Variants in PLB1 observed in about 807,000 individuals in gnomAD.
PLB1 encodes the protein phospholipase B1, membrane-associated.
A neutral mutation model predicts 227.4 loss-of-function variants in PLB1; 242 were observed. That is an observed-to-expected ratio of 1.06 (90% CI 0.96 to 1.18). The LOEUF is 1.18. PLB1 is among the 50% of genes most tolerant of loss of function. The pLI, the probability that PLB1 is intolerant of heterozygous loss-of-function variation, is 0.00. For missense variants in PLB1, 1,858 were observed against 1,816.3 expected, an observed-to-expected ratio of 1.02 and a Z score of -0.42; for synonymous variants, 757 against 682.2, an observed-to-expected ratio of 1.11 and a Z score of -1.71.
intron 16 of PLB1, among the ~76,000 whole-genome samples, chr2:28,551,275 T>G (rs1452877775): frequency 6.6e-6 from 1 of 152,246 alleles, no homozygotes; most frequent in African/African-American, 2.4e-5. Flanking sequence ...CGGGCGCTCA[T>G]GCCTTGCTCA....
intron 1 of PLB1, among the ~76,000 whole-genome samples, chr2:28,512,631 T>C (rs565710452): frequency 6.6e-6 from 1 of 152,288 alleles, no homozygotes; most frequent in Middle Eastern, 3.4e-3. Flanking sequence ...GAAATCTGTC[T>C]CTCTAATTGT....
At chr2:28,592,584 T>G in intron 31 of PLB1, 77 bp from the exon 32 acceptor site, 3 of 1,433,214 alleles carry the variant, frequency 2.1e-6, no homozygotes, top group Non-Finnish European at 3.0e-6. Flanking sequence ...TTTTGGATCT[T>G]GCTTGAAGCC....
At chr2:28,637,382 G>A (rs188405195) in intron 56 of PLB1, among the ~76,000 whole-genome samples, 1 of 151,962 alleles carries the variant, frequency 6.6e-6, no homozygotes, top group Non-Finnish European at 1.5e-5. Context: ...GACTTAATTG[G>A]TCTGGAGTGC....
intron 56 of PLB1, among the ~76,000 whole-genome samples, chr2:28,636,430 A>G (rs1689369234): frequency 6.6e-6 from 1 of 152,186 alleles, no homozygotes; most frequent in Non-Finnish European, 1.5e-5. Context: ...ATATTTAATA[A>G]TGCTGAACAC....
At chr2:28,633,112 C>A in intron 56 of PLB1, 73 bp downstream of exon 56, 1 of 1,298,876 alleles carries the variant, frequency 7.7e-7, no homozygotes, top group Non-Finnish European at 1.1e-6. Flanking sequence ...CTCACAATGG[C>A]AAAACTACTG....
intron 15 of PLB1, 151 bp from the exon 16 acceptor site, chr2:28,549,859 G>C: frequency 1.7e-6 from 1 of 588,140 alleles, no homozygotes; most frequent in East Asian, 3.0e-5. Context: ...TCAGGGACCA[G>C]AGAGAAGAGC....
chr2:28,622,140 C>T (rs1024548138), intron 49 of PLB1, among the ~76,000 whole-genome samples: 1 of 152,188 alleles, frequency 6.6e-6, no homozygotes, highest in Non-Finnish European at 1.5e-5. Context: ...GATAATTGCT[C>T]TATAACTTTC....
At chr2:28,525,053 T>A (rs1670046836) in intron 4 of PLB1, among the ~76,000 whole-genome samples, 1 of 152,116 alleles carries the variant, frequency 6.6e-6, no homozygotes, top group Admixed American at 6.6e-5. Context: ...TTCGTCATAT[T>A]GGCCAGGCTG....
intron 18 of PLB1, among the ~76,000 whole-genome samples, chr2:28,563,484 G>C (rs1676368938): frequency 7.0e-6 from 1 of 143,786 alleles, no homozygotes; most frequent in Non-Finnish European, 1.5e-5. Flanking sequence ...CCAGTGCTTT[G>C]TTTTGTCCAT....
intron 44 of PLB1, among the ~76,000 whole-genome samples, chr2:28,615,781 T>G (rs1686119495): frequency 6.6e-6 from 1 of 152,262 alleles, no homozygotes; most frequent in Non-Finnish European, 1.5e-5. Flanking sequence ...TGGGTCTGGA[T>G]CTGCCCTCTT....
intron 17 of PLB1, among the ~76,000 whole-genome samples, chr2:28,557,367 C>T (rs1675314461): frequency 6.6e-6 from 1 of 152,200 alleles, no homozygotes. Flanking sequence ...CTTGAGGCAG[C>T]TGCTTACTGC....
At chr2:28,580,770 T>G (rs1359110983) in intron 23 of PLB1, among the ~76,000 whole-genome samples, 2 of 150,420 alleles carry the variant, frequency 1.3e-5, no homozygotes, top group Non-Finnish European at 2.9e-5. Context: ...AGGGGGTTGT[T>G]GGAGAGATTT....
chr2:28,567,599 G>T lies in PLB1; in HGVS notation c.1324+760G>T, dbSNP rs1180806375. Among the ~76,000 whole-genome samples the T allele has an allele frequency of 2.0e-5, 3 of 147,768 alleles. No individual in the cohort carries two copies. The East Asian group carries it at 6.0e-4, about 30-fold the overall frequency. On this transcript the variant is annotated intron_variant, in intron 20 of 57. Transcript: ENST00000327757. ...AGCGATTCTCCTGCCTCAGCCTCCC[G>T]AGTAGCTGGGACTACAGGCCCCCGC...
At chr2:28,555,167 A>T (rs1674863341) in intron 17 of PLB1, among the ~76,000 whole-genome samples, 1 of 128,168 alleles carries the variant, frequency 7.8e-6, no homozygotes. Context: ...TTTGAGACAG[A>T]GTTTTGCTCT....
rs1341854945 is a variant in PLB1 at position 28,618,262 on chromosome 2, T to C, written c.3257-79T>C. ...AATGGGGAGCAGTGGGACAGAGTTA[T>C]AGACTTCTGGTAAAATGTGTACTTT... On this transcript the variant is annotated intron_variant, in intron 45 of 57. Transcript: ENST00000327757. The C allele has an allele frequency of 2.1e-5, 28 of 1,314,312 alleles. No individual in the cohort carries two copies. The East Asian group carries it at 2.3e-4, about 11-fold the overall frequency. 81.4% of individuals were successfully genotyped at this position (1,314,312 alleles called of 1,614,324 possible).
intron 11 of PLB1, among the ~76,000 whole-genome samples, chr2:28,540,025 C>T (rs1294888600): frequency 1.3e-4 from 19 of 141,650 alleles, no homozygotes; most frequent in Middle Eastern, 3.7e-3. Flanking sequence ...ACCTACCCCC[C>T]AGGGAGAGCT....
chr2:28,600,228 C>T (rs1683650215), intron 35 of PLB1, among the ~76,000 whole-genome samples: 1 of 152,172 alleles, frequency 6.6e-6, no homozygotes, highest in African/African-American at 2.4e-5. Flanking sequence ...AAATTATAAA[C>T]CCAAGCATGT....
chr2:28,526,810 C>T (rs565904402), intron 6 of PLB1, among the ~76,000 whole-genome samples: 34 of 152,256 alleles, frequency 2.2e-4, no homozygotes, highest in Non-Finnish European at 2.9e-5. Context: ...AAAGGAGGGG[C>T]CCATGAATTG....
chr2:28,517,071 C>G (rs1345824244), intron 2 of PLB1, among the ~76,000 whole-genome samples: 1 of 152,168 alleles, frequency 6.6e-6, no homozygotes, highest in African/African-American at 2.4e-5. Context: ...AGCTCATCAT[C>G]CCTGCAGACT....
Sources: gnomAD v4.1 joint callset for allele counts (sites outside exome capture counted in the v4.1 genomes callset) on GRCh38, gnomAD v4.1.1 for gene constraint, MANE v1.5 for transcripts, NCBI Gene and HGNC (gene_info 2026-07-23, HGNC 2026-07-21) for gene names.